Variants in HDAC9 observed in about 807,000 individuals in gnomAD.
HDAC9 encodes MEF-2 interacting transcription repressor (MITR) protein.
A neutral mutation model predicts 139.4 loss-of-function variants in HDAC9; 41 were observed. The observed-to-expected ratio is 0.29, with a 90% CI of 0.23 to 0.38. The LOEUF is 0.38. Among genes scored for constraint, HDAC9 ranks in the 10% least tolerant of loss-of-function variants. The pLI is 1.00. For missense variants in HDAC9, 1,147 were observed against 1,297.0 expected (o/e 0.88, Z 1.78); for synonymous variants, 517 against 476.2 (o/e 1.09, Z -1.12).
At chr7:18,664,354 G>A (rs938282242) in intron 11 of HDAC9, among the ~76,000 whole-genome samples, 3 of 152,036 alleles carry the variant, frequency 2.0e-5, no homozygotes, top group Non-Finnish European at 4.4e-5. Flanking sequence ...ATTGGTATAT[G>A]TTTTCTTAGC....
At chr7:18,313,034 C>T (rs181815480) in intron 1 of HDAC9, among the ~76,000 whole-genome samples, 9 of 152,182 alleles carry the variant, frequency 5.9e-5, no homozygotes, top group African/African-American at 2.2e-4. Flanking sequence ...ACATAAGGCA[C>T]CTGTTTTCTT....
intron 24 of HDAC9, 144 bp from the exon 25 acceptor site, chr7:18,975,662 T>C: frequency 2.7e-6 from 2 of 741,582 alleles, no homozygotes; most frequent in South Asian, 1.9e-5. Flanking sequence ...GACCCAATCA[T>C]AACAGTTAAG....
At chr7:18,528,113 A>AAT (rs1364353086) in intron 2 of HDAC9, among the ~76,000 whole-genome samples, 1 of 152,078 alleles carries the variant, frequency 6.6e-6, no homozygotes, top group African/African-American at 2.4e-5. Context: ...CAGGCTGAGC[A>AAT]ATAAAGCAAG....
At chr7:18,254,931 AT>A (rs1795136639) in intron 2 of HDAC9, among the ~76,000 whole-genome samples, 1 of 152,200 alleles carries the variant, frequency 6.6e-6, no homozygotes, top group African/African-American at 2.4e-5. Flanking sequence ...TAGACTAAAC[AT>A]TTTTTATATT....
intron 22 of HDAC9, among the ~76,000 whole-genome samples, chr7:18,935,436 C>T (rs1032797183): frequency 2.6e-5 from 4 of 152,096 alleles, no homozygotes; most frequent in East Asian, 3.9e-4. Flanking sequence ...CCATTGATAG[C>T]GACAGGAAGC....
At chr7:18,251,005 G>C (rs376895853) in intron 2 of HDAC9, among the ~76,000 whole-genome samples, 2 of 152,010 alleles carry the variant, frequency 1.3e-5, no homozygotes, top group African/African-American at 4.8e-5. Flanking sequence ...CCCATTACTG[G>C]ATATATACCC....
intron 16 of HDAC9, among the ~76,000 whole-genome samples, chr7:18,788,799 C>T (rs892471257): frequency 1.3e-5 from 2 of 151,284 alleles, no homozygotes; most frequent in African/African-American, 2.4e-5. Flanking sequence ...AGTGAAGGCT[C>T]ACCGACCATT....
upstream of HDAC9, among the ~76,000 whole-genome samples, chr7:18,287,929 A>G (rs989407364): frequency 6.6e-6 from 1 of 152,254 alleles, no homozygotes; most frequent in Non-Finnish European, 1.5e-5. Flanking sequence ...TTGGGTAGTC[A>G]TATAGGTGAA....
chr7:18,986,844 G>C (rs547684891), intron 25 of HDAC9, among the ~76,000 whole-genome samples: 1 of 152,286 alleles, frequency 6.6e-6, no homozygotes, highest in East Asian at 1.9e-4. Context: ...CTGTGAATGG[G>C]AGTTCACTCA....
At chr7:18,468,079 T>G (rs1452050104) in intron 1 of HDAC9, among the ~76,000 whole-genome samples, 2 of 152,178 alleles carry the variant, frequency 1.3e-5, no homozygotes, top group African/African-American at 4.8e-5. Flanking sequence ...TACATATCAA[T>G]ATGACTTATC....
chr7:18,330,429 A>G (rs1041840086), intron 1 of HDAC9, among the ~76,000 whole-genome samples: 25 of 151,768 alleles, frequency 1.6e-4, no homozygotes, highest in African/African-American at 6.0e-4. Context: ...TGTAAATAGA[A>G]CAGATATTTT....
At chr7:18,497,581 C>T (rs1022686719) in intron 2 of HDAC9, among the ~76,000 whole-genome samples, 1 of 152,108 alleles carries the variant, frequency 6.6e-6, no homozygotes, top group South Asian at 2.1e-4. Context: ...ATGAATAGTG[C>T]CTGCTTAACA....
At position 18,647,774 on chromosome 7, in the gene HDAC9, T is replaced by A. The variant is rs773215043; in HGVS notation, c.1036-11T>A. 1 of 1,594,840 alleles carries A rather than the reference T, an allele frequency of 6.3e-7. No individual in the cohort carries two copies. Among genetic ancestry groups the A allele is most frequent in the Non-Finnish European group, 8.5e-7 (1 of 1,169,826 alleles). ...AAAGAGGATTAACATCTTTGTTATT[T>A]CTCAACACAGGCTTCGAATTCACTC... On this transcript the variant is annotated splice_polypyrimidine_tract_variant and intron_variant, in intron 9 of 25. Transcript: ENST00000686413.
intron 2 of HDAC9, among the ~76,000 whole-genome samples, chr7:18,526,581 G>A (rs560806262): frequency 1.4e-4 from 22 of 152,266 alleles, no homozygotes; most frequent in Middle Eastern, 3.4e-3. Context: ...TCATAAGGGT[G>A]TCAGAGGAAA....
At chr7:18,205,595 GA>G (rs1452360132) in intron 2 of HDAC9, among the ~76,000 whole-genome samples, 2 of 152,016 alleles carry the variant, frequency 1.3e-5, no homozygotes, top group African/African-American at 4.8e-5. Context: ...TAGTTCTAAT[GA>G]AAGTTTGATT....
chr7:18,156,240 C>G (rs957767796), intron 1 of HDAC9, among the ~76,000 whole-genome samples: 3 of 152,102 alleles, frequency 2.0e-5, no homozygotes, highest in Non-Finnish European at 4.4e-5. Flanking sequence ...GAGAGAGAAA[C>G]GGAATCCTTT....
At chr7:18,662,186 G>C (rs55845113) in intron 11 of HDAC9, among the ~76,000 whole-genome samples, 54,566 of 151,828 alleles carry the variant, frequency 0.36, 13,628 homozygotes, top group African/African-American at 0.69. Flanking sequence ...TGATTTTTGT[G>C]TTATTTCCCT....
chr7:18,889,879 A>C (rs1004629491), intron 22 of HDAC9, among the ~76,000 whole-genome samples: 3 of 152,110 alleles, frequency 2.0e-5, no homozygotes, highest in Non-Finnish European at 4.4e-5. Flanking sequence ...CCTGTAAAAA[A>C]TTTTTTGTAG....
chr7:18,905,926 TTTC>T (rs1339367242), intron 22 of HDAC9, among the ~76,000 whole-genome samples: 1 of 151,764 alleles, frequency 6.6e-6, no homozygotes, highest in East Asian at 1.9e-4. Flanking sequence ...CTTTCTCATC[TTTC>T]TTTTCTTTCT....
Sources: gnomAD v4.1 joint callset for allele counts (sites outside exome capture counted in the v4.1 genomes callset) on GRCh38, gnomAD v4.1.1 for gene constraint, MANE v1.5 for transcripts, NCBI Gene and HGNC (gene_info 2026-07-23, HGNC 2026-07-21) for gene names.